PRKD1: variants seen among roughly 807,000 people sequenced by gnomAD.
PRKD1 encodes protein kinase D1, also known as serine/threonine-protein kinase D1.
Under a neutral mutation model 95.9 loss-of-function variants are expected in PRKD1, and 63 were observed. The observed-to-expected ratio is 0.66, with a 90% CI of 0.54 to 0.81. PRKD1 has a LOEUF of 0.81. PRKD1 is among the 30% of genes least tolerant of loss of function. The pLI is 0.00. For synonymous variants in PRKD1, 425 were observed against 423.1 expected, an observed-to-expected ratio of 1.00 and a Z score of -0.05; for missense variants, 1,048 against 1,165.3, an observed-to-expected ratio of 0.90 and a Z score of 1.47.
intron 2 of PRKD1, among the ~76,000 whole-genome samples, chr14:29,676,176 C>CTTTTTTTTTTTTTTTTTTTTTTTTT (rs1566532166): frequency 3.2e-5 from 2 of 62,244 alleles, no homozygotes; most frequent in African/African-American, 1.9e-4. Context: ...TAGTTCATTA[C>CTTTTTTTTTTTTTTTTTTTTTTTTT]GTTTTTGTTT....
rs532293824 is a variant in PRKD1, at chr14:29,591,413, G to C, written c.2434+6078C>G. 4 of 152,062 alleles carry C rather than the reference G, an allele frequency of 2.6e-5. No homozygotes were observed. In the East Asian group the frequency reaches 7.7e-4, roughly 29 times the overall value. 9.4% of individuals were successfully genotyped at this position (152,062 alleles called of 1,614,324 possible). On this transcript the variant is annotated intron_variant, in intron 16 of 17. Coordinates refer to ENST00000331968, the MANE Select transcript of PRKD1 (RefSeq NM_002742.3). ...AGAAACTGAATTCAAAATTGTTTTAGAGCTCTATCAGCTGTAAGTTATTTC... is the reference window on the plus strand; with the variant it reads ...AGAAACTGAATTCAAAATTGTTTTACAGCTCTATCAGCTGTAAGTTATTTC...
At chr14:29,702,123 T>C (rs1207878659) in intron 2 of PRKD1, among the ~76,000 whole-genome samples, 1 of 152,162 alleles carries the variant, frequency 6.6e-6, no homozygotes, top group Non-Finnish European at 1.5e-5. Context: ...AATCCAAGAA[T>C]GTATCACAGT....
chr14:29,800,881 CT>C (rs2139217289), intron 1 of PRKD1, among the ~76,000 whole-genome samples: 1 of 152,246 alleles, frequency 6.6e-6, no homozygotes, highest in Admixed American at 6.5e-5. Flanking sequence ...GATAAGACCC[CT>C]GGCACCAATC....
At chr14:29,906,333 G>T (rs1255352710) in intron 1 of PRKD1, among the ~76,000 whole-genome samples, 2 of 152,122 alleles carry the variant, frequency 1.3e-5, no homozygotes, top group East Asian at 3.9e-4. Context: ...GAGCCCAGGA[G>T]TTCAAGACCA....
At chr14:29,826,698 T>TATAC (rs1281740771) in intron 1 of PRKD1, among the ~76,000 whole-genome samples, 23 of 42,480 alleles carry the variant, frequency 5.4e-4, no homozygotes, top group African/African-American at 1.7e-3. Context: ...CACATATATA[T>TATAC]ACATATATAC....
At chr14:29,647,752 T>C (rs1881221555) in intron 4 of PRKD1, among the ~76,000 whole-genome samples, 1 of 152,230 alleles carries the variant, frequency 6.6e-6, no homozygotes, top group South Asian at 2.1e-4. Context: ...CTTTATAGTG[T>C]TGCAGGAAAT....
Position 29,663,958 on chromosome 14 carries a change from C to T in PRKD1, c.536-99G>A, listed in dbSNP as rs530430352. 5.0e-6 allele frequency: 6 copies of T among 1,209,674 alleles called. 1 individual carries two copies. The South Asian group carries it at 6.1e-5, about 12-fold the overall frequency. 74.9% of individuals were successfully genotyped at this position (1,209,674 alleles called of 1,614,324 possible). A position where few individuals can be genotyped will look rare whatever the true frequency, so the allele number is the denominator to read the frequency against. ...GAAATTTAAAAAATAGTACAGCTTCCATTTTCCTTGAGAGTATTTGGAAAT... is the reference window on the plus strand; with the variant it reads ...GAAATTTAAAAAATAGTACAGCTTCTATTTTCCTTGAGAGTATTTGGAAAT... On this transcript the variant is annotated intron_variant, in intron 3 of 17. Coordinates refer to ENST00000331968, the MANE Select transcript of PRKD1 (RefSeq NM_002742.3).
chr14:29,817,139 T>C (rs144636054), intron 1 of PRKD1, among the ~76,000 whole-genome samples: 310 of 152,334 alleles, frequency 2.0e-3, no homozygotes, highest in Non-Finnish European at 3.9e-3. Context: ...AGTTTACATA[T>C]CTGATATCTG....
At chr14:29,854,723 C>A (rs1348413888) in intron 1 of PRKD1, among the ~76,000 whole-genome samples, 2 of 152,206 alleles carry the variant, frequency 1.3e-5, no homozygotes, top group African/African-American at 4.8e-5. Flanking sequence ...TTCACTGCAG[C>A]CTCTCCCATC....
chr14:29,778,930 T>G (rs1208481276), intron 1 of PRKD1, among the ~76,000 whole-genome samples: 1 of 152,142 alleles, frequency 6.6e-6, no homozygotes, highest in East Asian at 1.9e-4. Context: ...ATCAAAAAGC[T>G]TATCCACCAT....
chr14:29,710,850 G>T (rs759803142), intron 2 of PRKD1, among the ~76,000 whole-genome samples: 2 of 152,018 alleles, frequency 1.3e-5, no homozygotes, highest in Non-Finnish European at 2.9e-5. Context: ...ATATATATTA[G>T]GTTGATTACT....
At chr14:29,884,938 C>A (rs1167891453) in intron 1 of PRKD1, among the ~76,000 whole-genome samples, 2 of 151,926 alleles carry the variant, frequency 1.3e-5, no homozygotes, top group Non-Finnish European at 2.9e-5. Context: ...CTGGCTAACA[C>A]AGTGAAACCC....
At chr14:29,594,500 G>C (rs768227253) in intron 16 of PRKD1, among the ~76,000 whole-genome samples, 15 of 152,108 alleles carry the variant, frequency 9.9e-5, no homozygotes, top group Admixed American at 3.9e-4. Context: ...ACCTCATTAT[G>C]TAGGTGGGAA....
Position 29,630,821 on chromosome 14 carries a change from C to T in PRKD1, c.1593G>A (p.Met531Ile), listed in dbSNP as rs1879952616. ...TSGVGADVAR[M>I]WEIAIQHALM... is the part of the protein sequence containing the mutation. The stretch of plus-strand genomic sequence containing the variant: ...GGGCATGCTGGATGGCTATCTCCCA[C>T]ATCCTGGCCACATCTGCACCAACGC... Residue 531 changes from methionine (M) to isoleucine (I), a missense_variant, in exon 10 of 18, where the codon ATG becomes ATA. This residue lies in a region of PRKD1 where 739 missense variants were observed against 861.9 expected (regional missense o/e 0.86). Transcript: ENST00000331968. 1 of 1,614,026 alleles carries T rather than the reference C, an allele frequency of 6.2e-7. No individual in the cohort carries two copies. Among genetic ancestry groups the T allele is most frequent in the African/African-American group, 1.3e-5 (1 of 74,928 alleles).
At chr14:29,631,588 C>T (rs1307447562) in intron 9 of PRKD1, among the ~76,000 whole-genome samples, 2 of 151,488 alleles carry the variant, frequency 1.3e-5, no homozygotes, top group Non-Finnish European at 2.9e-5. Flanking sequence ...CAACCTCCAT[C>T]TCCCAGTTTC....
At chr14:29,878,648 T>C in intron 1 of PRKD1, among the ~76,000 whole-genome samples, 1 of 152,154 alleles carries the variant, frequency 6.6e-6, no homozygotes, top group Admixed American at 6.5e-5. Flanking sequence ...TGAAATAAAC[T>C]AGACACAAAA....
intron 1 of PRKD1, among the ~76,000 whole-genome samples, chr14:29,734,591 G>A (rs1242037147): frequency 6.6e-6 from 1 of 152,050 alleles, no homozygotes; most frequent in Non-Finnish European, 1.5e-5. Context: ...ATTCTCCCAA[G>A]TGTTTGGTGA....
At chr14:29,912,402 G>C (rs1894747638) in intron 1 of PRKD1, among the ~76,000 whole-genome samples, 1 of 152,150 alleles carries the variant, frequency 6.6e-6, no homozygotes, top group Admixed American at 6.5e-5. Flanking sequence ...TCCTTTTCAA[G>C]TGGCTTTTGT....
intron 2 of PRKD1, among the ~76,000 whole-genome samples, chr14:29,668,114 G>A (rs1594411101): frequency 6.6e-6 from 1 of 152,026 alleles, no homozygotes; most frequent in Non-Finnish European, 1.5e-5. Context: ...ACATCCATTT[G>A]AAATCAAAGC....
Sources: allele counts gnomAD v4.1 joint callset (sites outside exome capture counted in the v4.1 genomes callset), GRCh38; gene constraint gnomAD v4.1.1; regional missense constraint gnomAD v4.1.1; transcripts MANE v1.5; gene names NCBI Gene and HGNC (gene_info 2026-07-23, HGNC 2026-07-21).